Variants in THOC7 observed in about 807,000 individuals in gnomAD.
THOC7 encodes NIF3L1-binding protein 1.
Under a neutral mutation model 33.1 loss-of-function variants are expected in THOC7, and 22 were observed. The ratio of observed to expected loss-of-function variants is 0.66; its 90% CI spans 0.47 to 0.95. THOC7 has a LOEUF of 0.95. Ranked by LOEUF, THOC7 falls within the 40% of genes least tolerant of loss-of-function variation. THOC7 has a pLI of 0.00. For synonymous variants in THOC7, 77 were observed against 76.8 expected (o/e 1.00, Z -0.01); for missense variants, 184 against 245.3 (o/e 0.75, Z 1.67).
At chr3:63,841,765 G>A (rs1701766155) in intron 1 of THOC7, among the ~76,000 whole-genome samples, 1 of 152,126 alleles carries the variant, frequency 6.6e-6, no homozygotes, top group Admixed American at 6.6e-5. Flanking sequence ...CATAGTCCTT[G>A]AAGAGATTAA....
At chr3:63,845,535 T>C (rs1429942191) in intron 1 of THOC7, among the ~76,000 whole-genome samples, 4 of 152,192 alleles carry the variant, frequency 2.6e-5, no homozygotes, top group African/African-American at 9.6e-5. Flanking sequence ...CCAACGGCAG[T>C]CACAGTAAGT....
chr3:63,853,061 G>A (rs754832692), intron 1 of THOC7, among the ~76,000 whole-genome samples: 3 of 150,548 alleles, frequency 2.0e-5, no homozygotes, highest in Non-Finnish European at 4.4e-5. Context: ...TGAGACAGGA[G>A]AATTGCTTGA....
chr3:63,838,169 T>C (rs942832626), intron 3 of THOC7, 107 bp from the exon 4 acceptor site: 1 of 1,093,510 alleles, frequency 9.1e-7, no homozygotes, highest in Non-Finnish European at 1.3e-6. Flanking sequence ...AAATAGACAC[T>C]AGTATTTTTA....
intron 1 of THOC7, among the ~76,000 whole-genome samples, chr3:63,858,542 A>ATCTC (rs1046321573): frequency 1.3e-5 from 2 of 152,156 alleles, no homozygotes; most frequent in Middle Eastern, 3.4e-3. Context: ...CCCTTTCTCC[A>ATCTC]TCTCTCATCT....
chr3:63,840,612 A>G (rs1701735548), intron 1 of THOC7, among the ~76,000 whole-genome samples: 1 of 152,190 alleles, frequency 6.6e-6, no homozygotes, highest in South Asian at 2.1e-4. Context: ...AAAAATAAAA[A>G]ATAAAAAAAT....
In THOC7 at chr3:63,834,168, A is replaced by G. The variant is rs1207793032; in HGVS notation, c.579T>C (p.Ala193=). 1 of 1,613,996 alleles carries G rather than the reference A, an allele frequency of 6.2e-7. No homozygotes were observed. The highest frequency in any genetic ancestry group is 8.5e-7 in the Non-Finnish European group (1 of 1,180,000). The change falls in exon 8 of 8, where the codon GCT becomes GCC. Residue 193 remains alanine, a synonymous_variant. Coordinates refer to ENST00000295899, the MANE Select transcript of THOC7 (RefSeq NM_025075.4). ...GATCTGTTTCCATGCTTGCTTCCTG[A>G]GCTTCTTCTACCTCTGAGAGTTTTT... is the stretch of plus-strand genomic sequence containing the variant. ...NDEKLSEVEE[A]QEASMETDPK...
chr3:63,841,719 C>A (rs1024722152), intron 1 of THOC7, among the ~76,000 whole-genome samples: 1 of 152,094 alleles, frequency 6.6e-6, no homozygotes, highest in Non-Finnish European at 1.5e-5. Flanking sequence ...TTTTAACCAC[C>A]AACATTATTA....
chr3:63,840,945 TA>T (rs1559603939), intron 1 of THOC7, among the ~76,000 whole-genome samples: 1 of 152,238 alleles, frequency 6.6e-6, no homozygotes, highest in African/African-American at 2.4e-5. Flanking sequence ...GTTTGTCCTA[TA>T]GAAGTGCACT....
chr3:63,846,978 G>A (rs1701911226), intron 1 of THOC7, among the ~76,000 whole-genome samples: 1 of 152,148 alleles, frequency 6.6e-6, no homozygotes, highest in Admixed American at 6.5e-5. Context: ...GTCCTAGGGT[G>A]CTTCCCCAAA....
intron 1 of THOC7, 116 bp downstream of exon 1, chr3:63,863,656 G>T: frequency 8.2e-7 from 1 of 1,221,152 alleles, no homozygotes; most frequent in South Asian, 3.7e-5. Flanking sequence ...GAAGCGCTCT[G>T]GCGAAGAGGC....
chr3:63,863,800 G>A lies in THOC7; in HGVS notation c.-10C>T. The stretch of plus-strand genomic sequence containing the variant: ...CAGTCACGGCTCCCATGGCGTGCGC[G>A]GCGGCGGCGGCGGCGGCGGCGGCGC... On this transcript the variant is annotated 5_prime_UTR_variant, in exon 1 of 8. Coordinates refer to ENST00000295899, the MANE Select transcript of THOC7 (RefSeq NM_025075.4). The A allele has an allele frequency of 4.9e-6, 5 of 1,012,330 alleles. No individual in the cohort carries two copies. Among genetic ancestry groups the A allele is most frequent in the Non-Finnish European group, 6.2e-6 (5 of 802,432 alleles). 62.7% of individuals were successfully genotyped at this position (1,012,330 alleles called of 1,614,324 possible).
intron 1 of THOC7, among the ~76,000 whole-genome samples, chr3:63,860,396 T>C (rs1196939705): frequency 6.6e-6 from 1 of 152,206 alleles, no homozygotes; most frequent in African/African-American, 2.4e-5. Context: ...AGCCTTCTTT[T>C]ACCTAGCAAG....
chr3:63,858,216 T>G (rs1702147269), intron 1 of THOC7, among the ~76,000 whole-genome samples: 2 of 152,190 alleles, frequency 1.3e-5, no homozygotes, highest in African/African-American at 4.8e-5. Flanking sequence ...GTCACTCAAC[T>G]TCAAAGTGCT....
intron 1 of THOC7, among the ~76,000 whole-genome samples, chr3:63,861,232 T>TG (rs995860808): frequency 5.9e-4 from 90 of 152,028 alleles, no homozygotes; most frequent in Non-Finnish European, 3.2e-4. Flanking sequence ...TTTAAGGATG[T>TG]GGGGGGGCAC....
At chr3:63,855,981 C>T (rs2107161354) in intron 1 of THOC7, among the ~76,000 whole-genome samples, 1 of 152,298 alleles carries the variant, frequency 6.6e-6, no homozygotes, top group East Asian at 1.9e-4. Context: ...ACACATATAC[C>T]TTTTGACTTA....
intron 7 of THOC7, 50 bp from the exon 8 acceptor site, chr3:63,834,249 TA>T: frequency 6.4e-7 from 1 of 1,567,792 alleles, no homozygotes; most frequent in Non-Finnish European, 8.8e-7. Context: ...GCCTATATTT[TA>T]TATTCGATGA....
chr3:63,853,172 AAAAAG>A (rs1319433092), intron 1 of THOC7, among the ~76,000 whole-genome samples: 25 of 151,596 alleles, frequency 1.6e-4, no homozygotes, highest in African/African-American at 5.8e-4. Context: ...AAAAAAAAAA[AAAAAG>A]AATCACAGGT....
intron 1 of THOC7, chr3:63,861,078 T>C (rs1702201583): frequency 1.3e-5 from 2 of 152,238 alleles, no homozygotes; most frequent in South Asian, 4.1e-4. Flanking sequence ...TTAATTATTA[T>C]GTGTTGGACT....
At chr3:63,835,492 A>G in intron 5 of THOC7, 102 bp from the exon 6 acceptor site, 1 of 1,065,876 alleles carries the variant, frequency 9.4e-7, no homozygotes, top group Non-Finnish European at 1.4e-6. Context: ...TAAAATAAAA[A>G]AAGGGCTTAT....
Sources: allele counts gnomAD v4.1 joint callset (sites outside exome capture counted in the v4.1 genomes callset), GRCh38; gene constraint gnomAD v4.1.1; transcripts MANE v1.5; gene names NCBI Gene and HGNC (gene_info 2026-07-23, HGNC 2026-07-21).